The following UNC79 variants were observed in gnomAD, a reference collection of about 807,000 sequenced individuals.
UNC79 encodes the protein protein unc-79 homolog.
UNC79 carries 37 observed loss-of-function variants against 283.1 expected under a neutral mutation model. The ratio of observed to expected loss-of-function variants is 0.13; its 90% CI spans 0.10 to 0.17. The LOEUF is 0.17. Among genes scored for constraint, UNC79 ranks in the 10% least tolerant of loss-of-function variants. The pLI, the probability that UNC79 is intolerant of heterozygous loss-of-function variation, is 1.00. For missense variants in UNC79, 2,272 were observed against 3,211.1 expected, an observed-to-expected ratio of 0.71 and a Z score of 7.07; for synonymous variants, 1,107 against 1,200.2, an observed-to-expected ratio of 0.92 and a Z score of 1.61.
chr14:93,561,273 T>G (rs1179940816), intron 14 of UNC79, among the ~76,000 whole-genome samples: 1 of 152,136 alleles, frequency 6.6e-6, no homozygotes, highest in African/African-American at 2.4e-5. Context: ...AAAGTAGTTT[T>G]TGTTGTGAGG....
intron 48 of UNC79, among the ~76,000 whole-genome samples, chr14:93,706,370 C>T (rs2075879952): frequency 6.6e-6 from 1 of 152,194 alleles, no homozygotes; most frequent in Admixed American, 6.5e-5. Flanking sequence ...AACCCGGGCA[C>T]TTCACCACCA....
intron 7 of UNC79, among the ~76,000 whole-genome samples, chr14:93,515,732 T>C (rs1467576231): frequency 6.6e-6 from 1 of 152,134 alleles, no homozygotes; most frequent in Non-Finnish European, 1.5e-5. Flanking sequence ...ATTTTTAAAT[T>C]GGGGTGTTTA....
At chr14:93,620,109 C>T (rs772723760) in intron 29 of UNC79, among the ~76,000 whole-genome samples, 3 of 152,174 alleles carry the variant, frequency 2.0e-5, no homozygotes, top group Admixed American at 6.5e-5. Flanking sequence ...TCAAAGTGAC[C>T]GGTTTGTTTA....
chr14:93,517,302 C>T (rs1213324272), intron 7 of UNC79, among the ~76,000 whole-genome samples: 1 of 141,764 alleles, frequency 7.1e-6, no homozygotes, highest in African/African-American at 2.6e-5. Flanking sequence ...TTCCTTTCTC[C>T]CTTTTTTTCT....
chr14:93,673,475 G>T lies in UNC79; in HGVS notation c.6741+20G>T. On this transcript the variant is annotated intron_variant, in intron 41 of 48. Coordinates refer to ENST00000555664, the Ensembl canonical transcript of UNC79. ...GTTCAGGTAAGCTCATGCTTGATTTGTAAAACTTTTCATGAGATCCATGTA... is the reference window on the plus strand; with the variant it reads ...GTTCAGGTAAGCTCATGCTTGATTTTTAAAACTTTTCATGAGATCCATGTA... 6.2e-7 allele frequency: 1 copy of T among 1,604,828 alleles called. No homozygotes were observed. Among genetic ancestry groups the T allele is most frequent in the East Asian group, 2.2e-5 (1 of 44,690 alleles).
At chr14:93,665,364 A>C (rs1414001991) in intron 40 of UNC79, among the ~76,000 whole-genome samples, 2 of 151,848 alleles carry the variant, frequency 1.3e-5, no homozygotes, top group African/African-American at 4.8e-5. Context: ...GTGAAATGGA[A>C]AATAGATGAG....
chr14:93,670,093 CGG>C (rs2072672925), intron 40 of UNC79, among the ~76,000 whole-genome samples: 1 of 151,986 alleles, frequency 6.6e-6, no homozygotes, highest in African/African-American at 2.4e-5. Flanking sequence ...CATGAGTGTT[CGG>C]TCCATCTTCT....
Position 93,599,939 on chromosome 14 carries a change from C to T in UNC79, c.3373-630C>T, listed in dbSNP as rs368830947. On this transcript the variant is annotated intron_variant, in intron 24 of 48. Transcript: ENST00000555664. Reference sequence around the variant, plus strand: ...AGATGCAGCTGGGCGTGGTGGCTCGCGCCTGTAATCCCAGCACTTTGGGAG... The same window carrying T: ...AGATGCAGCTGGGCGTGGTGGCTCGTGCCTGTAATCCCAGCACTTTGGGAG... Among the ~76,000 whole-genome samples the T allele has an allele frequency of 1.2e-4, 18 of 152,260 alleles. No individual in the cohort carries two copies. In the South Asian group the frequency reaches 2.3e-3, roughly 19 times the overall value.
At chr14:93,433,029 T>G (rs1232593831) in intron 1 of UNC79, among the ~76,000 whole-genome samples, 2 of 152,196 alleles carry the variant, frequency 1.3e-5, no homozygotes, top group Non-Finnish European at 2.9e-5. Context: ...GACGTGTTAG[T>G]GAAACAGATT....
chr14:93,618,638 C>T (rs1318479992), intron 29 of UNC79, among the ~76,000 whole-genome samples: 7 of 152,146 alleles, frequency 4.6e-5, no homozygotes, highest in Non-Finnish European at 8.8e-5. Context: ...CCTTTTCTTA[C>T]GTGTTAGAAG....
chr14:93,627,289 C>G (rs1392689820), intron 30 of UNC79, among the ~76,000 whole-genome samples: 1 of 152,174 alleles, frequency 6.6e-6, no homozygotes, highest in Non-Finnish European at 1.5e-5. Flanking sequence ...ATCCTAGTCT[C>G]TTCTCTATGA....
At chr14:93,422,961 G>A (rs1301911338) in intron 1 of UNC79, among the ~76,000 whole-genome samples, 1 of 150,650 alleles carries the variant, frequency 6.6e-6, no homozygotes, top group African/African-American at 2.5e-5. Flanking sequence ...TACTCAGGAG[G>A]TTGAGGCAGG....
chr14:93,509,277 C>T (rs977052912), intron 7 of UNC79, among the ~76,000 whole-genome samples: 6 of 152,108 alleles, frequency 3.9e-5, no homozygotes, highest in South Asian at 2.1e-4. Flanking sequence ...TGGGTGAGGA[C>T]ACAAATCCAA....
At chr14:93,373,128 A>G (rs1349068113) in intron 1 of UNC79, among the ~76,000 whole-genome samples, 1 of 152,222 alleles carries the variant, frequency 6.6e-6, no homozygotes, top group Non-Finnish European at 1.5e-5. Flanking sequence ...TGAAAATGAG[A>G]ACAACTTATT....
intron 35 of UNC79, among the ~76,000 whole-genome samples, chr14:93,652,822 T>C (rs183056058): frequency 2.0e-5 from 3 of 152,338 alleles, no homozygotes; most frequent in Admixed American, 2.0e-4. Context: ...TGTTTCCTTC[T>C]TTTTTAAAAT....
intron 1 of UNC79, among the ~76,000 whole-genome samples, chr14:93,399,894 C>A (rs758826357): frequency 2.0e-5 from 3 of 152,098 alleles, no homozygotes; most frequent in Non-Finnish European, 1.5e-5. Flanking sequence ...TAATGGTTAT[C>A]TGGGAAAAGC....
chr14:93,675,829 G>A (rs1202209774), intron 41 of UNC79, among the ~76,000 whole-genome samples: 1 of 152,202 alleles, frequency 6.6e-6, no homozygotes, highest in Non-Finnish European at 1.5e-5. Flanking sequence ...AGCAATGGAT[G>A]CAGGGCATGC....
At chr14:93,391,717 C>T (rs527720147) in intron 1 of UNC79, among the ~76,000 whole-genome samples, 16 of 152,174 alleles carry the variant, frequency 1.1e-4, no homozygotes, top group Non-Finnish European at 2.1e-4. Flanking sequence ...GTGTGAGTTA[C>T]AGTGCCCTGC....
intron 31 of UNC79, among the ~76,000 whole-genome samples, chr14:93,635,395 A>G (rs1162663108): frequency 6.6e-6 from 1 of 152,154 alleles, no homozygotes; most frequent in Non-Finnish European, 1.5e-5. Flanking sequence ...ACATGCATGC[A>G]CCACTAAAAT....
Sources: gnomAD v4.1 joint callset for allele counts (sites outside exome capture counted in the v4.1 genomes callset) on GRCh38, gnomAD v4.1.1 for gene constraint, MANE v1.5 for transcripts, NCBI Gene and HGNC (gene_info 2026-07-23, HGNC 2026-07-21) for gene names.